Variants in CELF1 observed in about 807,000 individuals in gnomAD.
The protein encoded by CELF1 is 50 kDa nuclear polyadenylated RNA-binding protein.
Under a neutral mutation model 61.8 loss-of-function variants are expected in CELF1, and 10 were observed. That is an observed-to-expected ratio of 0.16 (90% CI 0.10 to 0.27). The LOEUF is 0.27. Ranked by LOEUF, CELF1 falls within the 10% of genes least tolerant of loss-of-function variation. CELF1 has a pLI of 1.00. For synonymous variants in CELF1, 236 were observed against 225.1 expected (o/e 1.05, Z -0.43); for missense variants, 380 against 639.1 (o/e 0.59, Z 4.37).
Position 47,499,471 on chromosome 11 carries a change from G to T in CELF1, c.53C>A (p.Ser18Tyr). Reference sequence around the variant, plus strand: ...TACTTACACGGGACTGGAATTCAAAGAGCAATGATCCACCATCATTTCTGG... The same window carrying T: ...TACTTACACGGGACTGGAATTCAAATAGCAATGATCCACCATCATTTCTGG... ...FLPEMMVDHC[S>Y]LNSSPVSKKM... is the part of the protein sequence containing the mutation. The change falls in exon 3 of 15, where the codon TCT (serine) becomes TAT (tyrosine). Residue 18 changes from serine (S) to tyrosine (Y), a missense_variant. Ser to Tyr is a moderately radical substitution (Grantham distance 144, BLOSUM62 -2). Coordinates refer to ENST00000687097, the MANE Select transcript of CELF1 (RefSeq NM_001376376.1). 6.5e-7 allele frequency: 1 copy of T among 1,535,752 alleles called. No homozygotes were observed. The highest frequency in any genetic ancestry group is 8.7e-7 in the Non-Finnish European group (1 of 1,146,584).
Position 47,475,471 on chromosome 11 carries a change from T to A in CELF1, c.1138A>T (p.Thr380Ser). Reference protein sequence around the residue: ...GLGSSGLSNGTGSTMEALTQA... With the variant: ...GLGSSGLSNGSGSTMEALTQA... ...GTGAGGGCCTCCATGGTGCTCCCGG[T>A]GCCATTGGAAAGGCCACTGCTGCCC... Residue 380 changes from threonine (T) to serine (S), a missense_variant, in exon 13 of 15, where the codon ACC becomes TCC. Thr to Ser is a moderately conservative substitution (Grantham distance 58). Coordinates refer to ENST00000687097, the MANE Select transcript of CELF1 (RefSeq NM_001376376.1). The A allele has an allele frequency of 6.2e-7, 1 of 1,614,022 alleles. No homozygotes were observed. The highest frequency in any genetic ancestry group is 1.1e-5 in the South Asian group (1 of 91,070).
At chr11:47,532,935 A>C (rs2096526068) in intron 1 of CELF1, among the ~76,000 whole-genome samples, 1 of 152,138 alleles carries the variant, frequency 6.6e-6, no homozygotes, top group Admixed American at 6.6e-5. Flanking sequence ...TTTATTAAGG[A>C]GTTGTTAATG....
chr11:47,521,676 T>C (rs1397701480), intron 1 of CELF1, among the ~76,000 whole-genome samples: 1 of 152,198 alleles, frequency 6.6e-6, no homozygotes, highest in Non-Finnish European at 1.5e-5. Flanking sequence ...TCAATAAACA[T>C]TTGCTACTAT....
chr11:47,474,026 C>T (rs2078902738), intron 13 of CELF1, among the ~76,000 whole-genome samples: 1 of 152,150 alleles, frequency 6.6e-6, no homozygotes, highest in South Asian at 2.1e-4. Context: ...CCTGCCTCAG[C>T]CTCCCGAGTA....
At chr11:47,511,534 A>T (rs1034517507) in intron 1 of CELF1, among the ~76,000 whole-genome samples, 9 of 152,252 alleles carry the variant, frequency 5.9e-5, no homozygotes, top group African/African-American at 2.2e-4. Flanking sequence ...GGAATATGGC[A>T]TTTAAAGTTT....
At chr11:47,555,952 AT>A (rs1479292938), upstream of CELF1, among the ~76,000 whole-genome samples, 17 of 149,626 alleles carry the variant, frequency 1.1e-4, no homozygotes, top group African/African-American at 3.5e-4. Context: ...GTGAGTCGAG[AT>A]CGAACCACTG....
chr11:47,563,330 T>C (rs1565924079), intron 2 of CELF1, among the ~76,000 whole-genome samples: 1 of 152,114 alleles, frequency 6.6e-6, no homozygotes, highest in Non-Finnish European at 1.5e-5. Context: ...TGGAGGATGA[T>C]TGGGAGAAAA....
At chr11:47,545,287 G>A (rs946870812) in intron 1 of CELF1, among the ~76,000 whole-genome samples, 5 of 151,938 alleles carry the variant, frequency 3.3e-5, no homozygotes, top group Non-Finnish European at 5.9e-5. Context: ...AAAATTAGCC[G>A]GGCATGGTGG....
intron 4 of CELF1, among the ~76,000 whole-genome samples, chr11:47,488,094 T>TA (rs1331207387): frequency 6.6e-6 from 1 of 152,236 alleles, no homozygotes; most frequent in East Asian, 1.9e-4. Context: ...CCTCTGCTAT[T>TA]AAGCTAGTTT....
chr11:47,503,035 T>C (rs2094119451), intron 1 of CELF1, among the ~76,000 whole-genome samples: 1 of 152,218 alleles, frequency 6.6e-6, no homozygotes, highest in Non-Finnish European at 1.5e-5. Context: ...TCTGTCTCAG[T>C]ATTCTCTGCC....
chr11:47,526,044 T>A (rs550428226), intron 1 of CELF1, among the ~76,000 whole-genome samples: 2 of 152,070 alleles, frequency 1.3e-5, no homozygotes, highest in Non-Finnish European at 2.9e-5. Flanking sequence ...TAAGGGCACC[T>A]GCGCACCAGG....
At chr11:47,485,927 C>T (rs1198164609) in intron 6 of CELF1, among the ~76,000 whole-genome samples, 3 of 145,908 alleles carry the variant, frequency 2.1e-5, no homozygotes, top group South Asian at 2.2e-4. Context: ...TTTGGGAGGC[C>T]GAGGCGGGCG....
At chr11:47,491,428 G>A (rs1442509312) in intron 3 of CELF1, among the ~76,000 whole-genome samples, 1 of 152,128 alleles carries the variant, frequency 6.6e-6, no homozygotes, top group Non-Finnish European at 1.5e-5. Context: ...CCAAGTGCTG[G>A]GATTACAGGC....
chr11:47,546,834 G>T (rs772151049), intron 1 of CELF1, among the ~76,000 whole-genome samples: 3 of 151,992 alleles, frequency 2.0e-5, no homozygotes, highest in Non-Finnish European at 4.4e-5. Flanking sequence ...GGAGGCTGAG[G>T]TGGGTGAATC....
In CELF1 at chr11:47,507,259, T is replaced by C. The variant is rs547828117; in HGVS notation, c.-153-6327A>G. On this transcript the variant is annotated intron_variant, in intron 1 of 14. Transcript: ENST00000687097. ...ATCATTTTTAACATCTGCTTTTGGA[T>C]TGGAGACTAAGAAAAGCTAATGGCT... is the stretch of plus-strand genomic sequence containing the variant. Among the ~76,000 whole-genome samples, 14 of 152,310 alleles carry C rather than the reference T, an allele frequency of 9.2e-5. No individual in the cohort carries two copies. The South Asian group carries it at 2.7e-3, about 29-fold the overall frequency.
chr11:47,503,873 C>T lies in CELF1; in HGVS notation c.-153-2941G>A, dbSNP rs566420004. On this transcript the variant is annotated intron_variant, in intron 1 of 14. Transcript: ENST00000687097. ...TTTCTGTTATTGTTACAAAATGTGA[C>T]GGTTAAGAATAATTTACGGGGCAAG... is the stretch of plus-strand genomic sequence containing the variant. 2.1e-3 allele frequency among the ~76,000 whole-genome samples: 319 copies of T among 152,254 alleles called. 1 individual carries two copies. The highest frequency in any genetic ancestry group is 3.3e-3 in the Non-Finnish European group (225 of 68,020).
intron 1 of CELF1, among the ~76,000 whole-genome samples, chr11:47,534,197 A>G (rs927943107): frequency 6.6e-6 from 1 of 150,742 alleles, no homozygotes; most frequent in Admixed American, 6.6e-5. Context: ...CCCGGCTAAT[A>G]TTTTGTATTT....
At chr11:47,510,088 T>C (rs958836914) in intron 1 of CELF1, among the ~76,000 whole-genome samples, 4 of 149,690 alleles carry the variant, frequency 2.7e-5, no homozygotes, top group Non-Finnish European at 4.5e-5. Flanking sequence ...AGTAAGGAAG[T>C]AGGGAGAGTG....
chr11:47,519,049 C>T lies in CELF1; in HGVS notation c.-153-18117G>A, dbSNP rs1368959480. Among the ~76,000 whole-genome samples the T allele has an allele frequency of 2.6e-5, 4 of 152,242 alleles. No individual in the cohort carries two copies. The East Asian group carries it at 5.8e-4, about 22-fold the overall frequency. On this transcript the variant is annotated intron_variant, in intron 1 of 14. Transcript: ENST00000687097. ...ACCAGAAACTACTTCTGTAGAGACA[C>T]TTCCTGAGACAGTTAGGTTATAGGC...
Sources: gnomAD v4.1 joint callset for allele counts (sites outside exome capture counted in the v4.1 genomes callset) on GRCh38, gnomAD v4.1.1 for gene constraint, MANE v1.5 for transcripts, NCBI Gene and HGNC (gene_info 2026-07-23, HGNC 2026-07-21) for gene names.